The following SLC25A48 variants were observed in gnomAD, a reference collection of about 807,000 sequenced individuals.
SLC25A48 encodes CTC-321K16.1.
A neutral mutation model predicts 32.2 loss-of-function variants in SLC25A48; 29 were observed. The ratio of observed to expected loss-of-function variants is 0.90; its 90% CI spans 0.67 to 1.23. SLC25A48 has a LOEUF of 1.23. Ranked by LOEUF, SLC25A48 falls within the 50% of genes most tolerant of loss-of-function variation. The pLI, the probability that SLC25A48 is intolerant of heterozygous loss-of-function variation, is 0.00. For missense variants in SLC25A48, 399 were observed against 422.7 expected (o/e 0.94, Z 0.49); for synonymous variants, 164 against 172.3 (o/e 0.95, Z 0.38).
At chr5:135,676,375 T>A (rs1312945915) in intron 3 of SLC25A48, among the ~76,000 whole-genome samples, 1 of 151,974 alleles carries the variant, frequency 6.6e-6, no homozygotes, top group Non-Finnish European at 1.5e-5. Context: ...TCTCTGTTTT[T>A]TTATTGGTCA....
intron 3 of SLC25A48, among the ~76,000 whole-genome samples, chr5:135,736,990 C>A (rs1199296915): frequency 6.6e-6 from 1 of 152,080 alleles, no homozygotes; most frequent in African/African-American, 2.4e-5. Context: ...GTCTGAGGAC[C>A]CGAGGTCGTA....
intron 3 of SLC25A48, among the ~76,000 whole-genome samples, chr5:135,705,927 C>T (rs1315020521): frequency 6.6e-6 from 1 of 152,172 alleles, no homozygotes; most frequent in Non-Finnish European, 1.5e-5. Flanking sequence ...GGTGAGCTGG[C>T]CTGGCTGGAA....
chr5:135,713,944 A>C (rs190513474), intron 3 of SLC25A48, among the ~76,000 whole-genome samples: 5 of 152,294 alleles, frequency 3.3e-5, no homozygotes, highest in African/African-American at 1.2e-4. Context: ...AGATGGAAAC[A>C]CTTGCTTCTC....
intron 4 of SLC25A48, among the ~76,000 whole-genome samples, chr5:135,814,989 C>A (rs948318572): frequency 1.3e-5 from 2 of 152,188 alleles, no homozygotes; most frequent in Admixed American, 6.5e-5. Context: ...AGCTGTGGGC[C>A]TTTTGTTACC....
chr5:135,827,885 C>T (rs1481986630), intron 4 of SLC25A48, among the ~76,000 whole-genome samples: 1 of 152,168 alleles, frequency 6.6e-6, no homozygotes, highest in Non-Finnish European at 1.5e-5. Context: ...TGGGCCCTCA[C>T]TGCCCCCAAA....
intron 3 of SLC25A48, among the ~76,000 whole-genome samples, chr5:135,721,774 T>C (rs1181705073): frequency 6.6e-6 from 1 of 152,192 alleles, no homozygotes; most frequent in Non-Finnish European, 1.5e-5. Context: ...GAACTGTGTG[T>C]CCACAGCAGG....
intron 3 of SLC25A48, among the ~76,000 whole-genome samples, chr5:135,771,324 G>A (rs1756404365): frequency 6.6e-6 from 1 of 151,644 alleles, no homozygotes; most frequent in Admixed American, 6.6e-5. Context: ...TATCGCGGAG[G>A]GTGTACATCC....
intron 3 of SLC25A48, among the ~76,000 whole-genome samples, chr5:135,793,352 C>A (rs773991357): frequency 1.3e-5 from 2 of 149,372 alleles, no homozygotes; most frequent in African/African-American, 2.5e-5. Flanking sequence ...GGGTGTACAT[C>A]ATGTGTGTAC....
intron 3 of SLC25A48, among the ~76,000 whole-genome samples, chr5:135,658,493 G>T (rs910401776): frequency 4.6e-5 from 7 of 152,142 alleles, no homozygotes; most frequent in African/African-American, 1.7e-4. Flanking sequence ...GCCTTTCCAG[G>T]CTCATGGTGC....
chr5:135,703,110 A>G (rs1754430197), intron 3 of SLC25A48, among the ~76,000 whole-genome samples: 1 of 152,224 alleles, frequency 6.6e-6, no homozygotes. Flanking sequence ...GTAATATGTA[A>G]TACCGGACAG....
chr5:135,803,299 G>T (rs1314508648), intron 3 of SLC25A48, among the ~76,000 whole-genome samples: 1 of 151,446 alleles, frequency 6.6e-6, no homozygotes, highest in Non-Finnish European at 1.5e-5. Context: ...TACACCTTGT[G>T]AGTACAATCT....
chr5:135,881,574 T>C (rs148864043), intron 7 of SLC25A48, among the ~76,000 whole-genome samples: 2 of 152,342 alleles, frequency 1.3e-5, no homozygotes, highest in African/African-American at 2.4e-5. Context: ...GAGTGAAGAA[T>C]TACTGCATTT....
intron 2 of SLC25A48, among the ~76,000 whole-genome samples, chr5:135,631,593 T>C (rs990026525): frequency 3.3e-5 from 5 of 152,222 alleles, no homozygotes; most frequent in African/African-American, 1.2e-4. Flanking sequence ...AACAAATGGC[T>C]AATTTTCCAG....
At chr5:135,754,295 CATATG>C (rs36210164) in intron 3 of SLC25A48, among the ~76,000 whole-genome samples, 61,216 of 151,466 alleles carry the variant, frequency 0.4, 14,151 homozygotes, top group Non-Finnish European at 0.52. Flanking sequence ...GTTGACACTA[CATATG>C]ATATGATAAA....
At chr5:135,867,194 CA>C (rs1207473225) in intron 4 of SLC25A48, among the ~76,000 whole-genome samples, 1 of 152,042 alleles carries the variant, frequency 6.6e-6, no homozygotes, top group Non-Finnish European at 1.5e-5. Context: ...TATCTAATGC[CA>C]ATCCTTTCGC....
intron 7 of SLC25A48, among the ~76,000 whole-genome samples, chr5:135,886,825 A>G (rs879857683): frequency 2.0e-5 from 3 of 151,096 alleles, no homozygotes; most frequent in Admixed American, 6.6e-5. Flanking sequence ...CATGGTCAGG[A>G]AAGTCTTTAA....
chr5:135,690,228 A>G (rs1447106319), intron 3 of SLC25A48, among the ~76,000 whole-genome samples: 5 of 152,192 alleles, frequency 3.3e-5, no homozygotes, highest in Admixed American at 3.3e-4. Flanking sequence ...AAGTTCATGT[A>G]TGGGAGAAGT....
intron 3 of SLC25A48, among the ~76,000 whole-genome samples, chr5:135,740,419 T>C (rs1389236580): frequency 6.6e-6 from 1 of 152,162 alleles, no homozygotes; most frequent in African/African-American, 2.4e-5. Flanking sequence ...GGTCTTGAAC[T>C]CCTGACCTCA....
chr5:135,785,158 A>C (rs969882174), intron 3 of SLC25A48, among the ~76,000 whole-genome samples: 1 of 152,158 alleles, frequency 6.6e-6, no homozygotes, highest in Non-Finnish European at 1.5e-5. Flanking sequence ...GATTGTTCGT[A>C]ATATGTAGGA....
Sources: allele counts gnomAD v4.1 joint callset (sites outside exome capture counted in the v4.1 genomes callset), GRCh38; gene constraint gnomAD v4.1.1; transcripts MANE v1.5; gene names NCBI Gene and HGNC (gene_info 2026-07-23, HGNC 2026-07-21).